Variants in EPB41 observed in about 807,000 individuals in gnomAD.
EPB41 encodes the protein erythrocyte membrane protein band 4.1, also known as protein 4.1.
Under a neutral mutation model 108.0 loss-of-function variants are expected in EPB41, and 65 were observed. The ratio of observed to expected loss-of-function variants is 0.60; its 90% CI spans 0.49 to 0.74. The LOEUF (loss-of-function observed/expected upper bound fraction) is 0.74, where lower values mean the gene tolerates loss of function less well. Among genes scored for constraint, EPB41 ranks in the 30% least tolerant of loss-of-function variants. The pLI is 0.00. For synonymous variants in EPB41, 336 were observed against 358.9 expected (o/e 0.94, Z 0.72); for missense variants, 875 against 1,037.0 (o/e 0.84, Z 2.15).
At chr1:28,967,846 C>T (rs1261730232) in intron 1 of EPB41, among the ~76,000 whole-genome samples, 1 of 149,406 alleles carries the variant, frequency 6.7e-6, no homozygotes, top group African/African-American at 2.5e-5. Context: ...CCTCTGTCGC[C>T]CAGGCTGGAG....
At chr1:29,015,229 A>G (rs1014547126) in intron 5 of EPB41, among the ~76,000 whole-genome samples, 9 of 152,040 alleles carry the variant, frequency 5.9e-5, no homozygotes, top group African/African-American at 2.2e-4. Context: ...TTTATCCACC[A>G]AGCATGAAAA....
At position 28,924,140 on chromosome 1, in the gene EPB41, A is replaced by C. The variant is rs184469445; in HGVS notation, c.-8+9372A>C. 1.2e-3 allele frequency among the ~76,000 whole-genome samples: 183 copies of C among 152,362 alleles called. 1 individual carries two copies. The highest frequency in any genetic ancestry group is 4.2e-3 in the African/African-American group (173 of 41,596). On this transcript the variant is annotated intron_variant, in intron 1 of 20. Coordinates refer to ENST00000343067, the MANE Select transcript of EPB41 (RefSeq NM_001376013.1). ...GAGGTCTGTCAGTAAACTTGGATGC[A>C]GATCTTCGGTGTGAGTGATCTTGGA...
intron 17 of EPB41, among the ~76,000 whole-genome samples, chr1:29,108,075 C>A (rs1667821743): frequency 6.9e-6 from 1 of 145,752 alleles, no homozygotes; most frequent in African/African-American, 2.5e-5. Flanking sequence ...CATTTGTGAA[C>A]TATAAAATGC....
chr1:28,974,941 T>C (rs1481973713), intron 1 of EPB41, among the ~76,000 whole-genome samples: 1 of 152,032 alleles, frequency 6.6e-6, no homozygotes, highest in African/African-American at 2.4e-5. Flanking sequence ...ATTACAGGCA[T>C]GCGCCACCAC....
At chr1:29,027,652 G>A (rs2096738120) in intron 7 of EPB41, among the ~76,000 whole-genome samples, 1 of 151,524 alleles carries the variant, frequency 6.6e-6, no homozygotes, top group Non-Finnish European at 1.5e-5. Context: ...TCTCTATGTC[G>A]CCTAGGCTCA....
chr1:29,008,835 A>C (rs2149873992), intron 4 of EPB41, among the ~76,000 whole-genome samples: 1 of 152,302 alleles, frequency 6.6e-6, no homozygotes, highest in South Asian at 2.1e-4. Context: ...GGTGTATTGC[A>C]GTCACTTTTA....
intron 7 of EPB41, among the ~76,000 whole-genome samples, chr1:29,023,872 T>C (rs1002488503): frequency 3.3e-5 from 5 of 152,084 alleles, no homozygotes; most frequent in African/African-American, 1.2e-4. Flanking sequence ...ACTCCATTCC[T>C]TGTTAACTGT....
At chr1:28,892,342 T>C (rs1205829547) in intron 1 of EPB41, among the ~76,000 whole-genome samples, 1 of 152,154 alleles carries the variant, frequency 6.6e-6, no homozygotes, top group Non-Finnish European at 1.5e-5. Flanking sequence ...GTTACATGTA[T>C]TGACCCATGT....
At chr1:28,959,866 TG>T (rs2095127885) in intron 1 of EPB41, among the ~76,000 whole-genome samples, 6 of 151,864 alleles carry the variant, frequency 4.0e-5, no homozygotes, top group Non-Finnish European at 8.8e-5. Context: ...AGTGGAGACA[TG>T]GTTTTCACCA....
At chr1:29,012,834 A>G (rs1164384083) in intron 5 of EPB41, among the ~76,000 whole-genome samples, 1 of 152,188 alleles carries the variant, frequency 6.6e-6, no homozygotes, top group East Asian at 1.9e-4. Flanking sequence ...AACTCTCTGT[A>G]TTTGCTTTCT....
At chr1:28,936,475 G>A (rs1005409371) in intron 1 of EPB41, among the ~76,000 whole-genome samples, 6 of 152,196 alleles carry the variant, frequency 3.9e-5, no homozygotes, top group African/African-American at 1.4e-4. Flanking sequence ...TGGTCTTTTA[G>A]TATATTCATC....
intron 1 of EPB41, among the ~76,000 whole-genome samples, chr1:28,979,419 A>G (rs61783661): frequency 0.017 from 2,502 of 151,596 alleles, 69 homozygotes; most frequent in Non-Finnish European, 0.024. Context: ...ATTATATTCA[A>G]TTGTGTACGA....
intron 16 of EPB41, among the ~76,000 whole-genome samples, chr1:29,086,839 T>C (rs895469462): frequency 6.6e-6 from 1 of 151,948 alleles, no homozygotes; most frequent in Non-Finnish European, 1.5e-5. Context: ...CAGGTACTCA[T>C]ACATGGCTCT....
In EPB41 at chr1:28,887,691, G is replaced by A; in HGVS notation, c.-8+481G>A. On this transcript the variant is annotated intron_variant, in intron 1 of 16. Transcript: ENST00000347529. The surrounding 1 kb of genome is among the most constrained non-coding windows in gnomAD (Gnocchi z 4.9). ...GCCTGGAGCCCCGCGCCCCGCTCCG[G>A]CCCTTACGTAACTGACTTTGAGTTT... 1 of 985,186 alleles carries A rather than the reference G, an allele frequency of 1.0e-6. No homozygotes were observed. The allele number at this position is 985,186 out of a possible 1,614,324, so 61.0% of individuals were successfully genotyped here.
At chr1:28,912,310 G>A (rs1351006607), upstream of EPB41, among the ~76,000 whole-genome samples, 1 of 152,120 alleles carries the variant, frequency 6.6e-6, no homozygotes, top group Non-Finnish European at 1.5e-5. Flanking sequence ...AGTCAAGTAG[G>A]GTAAGTGCTA....
At chr1:28,988,895 A>G (rs1465355523) in intron 2 of EPB41, among the ~76,000 whole-genome samples, 2 of 152,186 alleles carry the variant, frequency 1.3e-5, no homozygotes, top group Non-Finnish European at 2.9e-5. Context: ...AAAAAAAAGT[A>G]TCAAATCAAT....
intron 4 of EPB41, among the ~76,000 whole-genome samples, chr1:29,002,150 G>T (rs1168883093): frequency 2.4e-4 from 37 of 152,050 alleles, no homozygotes; most frequent in Non-Finnish European, 2.9e-5. Context: ...TAAAAATAAG[G>T]TGTTATCATT....
chr1:28,921,365 G>A (rs2093054238), intron 1 of EPB41, among the ~76,000 whole-genome samples: 1 of 152,110 alleles, frequency 6.6e-6, no homozygotes, highest in Non-Finnish European at 1.5e-5. Flanking sequence ...CAAGTGAAGA[G>A]TGTTTCACCT....
chr1:29,024,717 T>G (rs2096697512), intron 7 of EPB41, among the ~76,000 whole-genome samples: 1 of 152,044 alleles, frequency 6.6e-6, no homozygotes, highest in African/African-American at 2.4e-5. Flanking sequence ...TGTATGTGTC[T>G]TGGTTTGGAG....
Sources: allele counts gnomAD v4.1 joint callset (sites outside exome capture counted in the v4.1 genomes callset), GRCh38; gene constraint gnomAD v4.1.1; non-coding constraint Gnocchi (gnomAD v3.1); transcripts MANE v1.5; gene names NCBI Gene and HGNC (gene_info 2026-07-23, HGNC 2026-07-21).